The following MAP6 variants were observed in gnomAD, a reference collection of about 807,000 sequenced individuals.
MAP6 encodes the protein microtubule-associated protein 6.
Under a neutral mutation model 42.4 loss-of-function variants are expected in MAP6, and 26 were observed. The observed-to-expected ratio is 0.61, with a 90% CI of 0.45 to 0.85. The LOEUF (loss-of-function observed/expected upper bound fraction) is 0.85. Among genes scored for constraint, MAP6 ranks in the 40% least tolerant of loss-of-function variants. MAP6 has a pLI of 0.00. For synonymous variants in MAP6, 418 were observed against 443.8 expected, an observed-to-expected ratio of 0.94 and a Z score of 0.73; for missense variants, 966 against 1,099.0, an observed-to-expected ratio of 0.88 and a Z score of 1.71.
chr11:75,663,118 C>T (rs901019759), intron 1 of MAP6, among the ~76,000 whole-genome samples: 3 of 152,032 alleles, frequency 2.0e-5, no homozygotes, highest in Admixed American at 6.5e-5. Flanking sequence ...CACCCCACCA[C>T]GCCCGGCTAA....
At chr11:75,625,890 C>T (rs954389841) in intron 1 of MAP6, among the ~76,000 whole-genome samples, 1 of 152,232 alleles carries the variant, frequency 6.6e-6, no homozygotes, top group African/African-American at 2.4e-5. Context: ...GACTCCCCAG[C>T]CAGACCACGG....
intron 1 of MAP6, chr11:75,642,554 C>G (rs942688059): frequency 3.1e-5 from 5 of 160,908 alleles, no homozygotes; most frequent in African/African-American, 1.2e-4. Flanking sequence ...AAAATATCAG[C>G]CAACATACAC....
At chr11:75,600,790 A>G (rs1432856013) in intron 3 of MAP6, among the ~76,000 whole-genome samples, 1 of 152,208 alleles carries the variant, frequency 6.6e-6, no homozygotes, top group Non-Finnish European at 1.5e-5. Flanking sequence ...CCTTTGTGAA[A>G]TGGGACTTGA....
intron 1 of MAP6, among the ~76,000 whole-genome samples, chr11:75,615,617 T>C (rs1339658535): frequency 2.0e-5 from 3 of 152,158 alleles, no homozygotes; most frequent in Non-Finnish European, 4.4e-5. Context: ...TAGCTATTGT[T>C]ATACTTCTGA....
chr11:75,606,916 T>C (rs1942788607), intron 2 of MAP6, among the ~76,000 whole-genome samples: 1 of 152,214 alleles, frequency 6.6e-6, no homozygotes, highest in Non-Finnish European at 1.5e-5. Context: ...ACCCCCCTCA[T>C]CTATCTCTAG....
chr11:75,659,514 G>A (rs1023588364), intron 1 of MAP6, among the ~76,000 whole-genome samples: 2 of 152,208 alleles, frequency 1.3e-5, no homozygotes, highest in Non-Finnish European at 1.5e-5. Flanking sequence ...CATGGTTCCT[G>A]AAGAGTGACT....
At chr11:75,592,179 C>G (rs557903059) in intron 3 of MAP6, among the ~76,000 whole-genome samples, 10 of 152,312 alleles carry the variant, frequency 6.6e-5, no homozygotes, top group African/African-American at 2.4e-4. Flanking sequence ...CACCTCCTCC[C>G]TGGTCTTCCT....
At position 75,587,847 on chromosome 11, in the gene MAP6, C is replaced by A. The variant is rs778825613; in HGVS notation, c.1654G>T (p.Gly552Cys). 1 of 1,614,186 alleles carries A rather than the reference C, an allele frequency of 6.2e-7. No individual in the cohort carries two copies. The highest frequency in any genetic ancestry group is 1.1e-5 in the South Asian group (1 of 91,082). ...PMVPAKVKDQ[G>C]SVVPESLKDQ... ...TTTAGAGACTCTGGTACCACAGAGCCTTGATCCTTAACTTTTGCTGGAACC... is the reference window on the plus strand; with the variant it reads ...TTTAGAGACTCTGGTACCACAGAGCATTGATCCTTAACTTTTGCTGGAACC... The change falls in exon 4 of 4, where the codon GGC becomes TGC. Residue 552 changes from glycine (G) to cysteine (C), a missense_variant. This residue lies in a region of MAP6 where 943 missense variants were observed against 1,049.9 expected (regional missense o/e 0.90). Coordinates refer to ENST00000304771, the MANE Select transcript of MAP6 (RefSeq NM_033063.2).
At chr11:75,657,434 C>T (rs2135689797) in intron 1 of MAP6, among the ~76,000 whole-genome samples, 1 of 152,232 alleles carries the variant, frequency 6.6e-6, no homozygotes, top group East Asian at 1.9e-4. Flanking sequence ...TTGATTGCCA[C>T]AACTCAGGGT....
At chr11:75,607,362 A>T in intron 2 of MAP6, 1 of 985,454 alleles carries the variant, frequency 1.0e-6, no homozygotes, top group Non-Finnish European at 1.2e-6. Flanking sequence ...ATATTTGTAC[A>T]ATTCCATGGG....
chr11:75,659,158 G>A (rs889739132), intron 1 of MAP6, among the ~76,000 whole-genome samples: 3 of 152,186 alleles, frequency 2.0e-5, no homozygotes, highest in Non-Finnish European at 2.9e-5. Context: ...AAAGACAAGC[G>A]TAGACAAAGT....
intron 3 of MAP6, chr11:75,597,309 TG>T (rs1942597594): frequency 6.6e-6 from 1 of 152,212 alleles, no homozygotes; most frequent in Admixed American, 6.5e-5. Flanking sequence ...TGCACTTAGG[TG>T]GGTAAGTGGC....
intron 1 of MAP6, among the ~76,000 whole-genome samples, chr11:75,618,643 C>A (rs1182722761): frequency 6.6e-6 from 1 of 152,078 alleles, no homozygotes; most frequent in Non-Finnish European, 1.5e-5. Context: ...CAGGGGGAGT[C>A]CCTCTCACCT....
At chr11:75,652,087 G>T (rs1490009376) in intron 1 of MAP6, among the ~76,000 whole-genome samples, 1 of 152,118 alleles carries the variant, frequency 6.6e-6, no homozygotes, top group African/African-American at 2.4e-5. Context: ...TATTATAAAA[G>T]ATTCTATTCA....
chr11:75,626,431 G>A (rs754571417), intron 1 of MAP6, among the ~76,000 whole-genome samples: 68 of 152,202 alleles, frequency 4.5e-4, no homozygotes, highest in Middle Eastern at 3.2e-3. Context: ...TAAGAGCAGA[G>A]GAGTGACGTG....
At chr11:75,594,305 T>A (rs1942534045) in intron 3 of MAP6, 1 of 152,226 alleles carries the variant, frequency 6.6e-6, no homozygotes, top group South Asian at 2.1e-4. Flanking sequence ...ATTCCAGGGC[T>A]CTGTTCCCTT....
At chr11:75,617,805 T>C (rs1477544144) in intron 1 of MAP6, among the ~76,000 whole-genome samples, 1 of 152,128 alleles carries the variant, frequency 6.6e-6, no homozygotes, top group East Asian at 1.9e-4. Context: ...CTGTCAGGGT[T>C]TACCAGTCCT....
chr11:75,667,949 T>C lies in MAP6; in HGVS notation c.421A>G (p.Ser141Gly). ...QRPEPSCRPRSEYQPSDAPFE... is the reference protein window; with the variant it reads ...QRPEPSCRPRGEYQPSDAPFE... ...GGAGCGTCGGAGGGCTGGTATTCGC[T>C]GCGCGGCCGGCAGCTGGGCTCGGGC... is the stretch of plus-strand genomic sequence containing the variant. Residue 141 changes from serine to glycine, a missense_variant, in exon 1 of 4, where the codon AGC becomes GGC. Ser to Gly is a moderately conservative substitution (Grantham distance 56, BLOSUM62 0). Transcript: ENST00000304771. This position sits in a 1 kb window ranked among gnomAD's most constrained non-coding sequence, Gnocchi z 5.6. 1 of 1,342,778 alleles carries C rather than the reference T, an allele frequency of 7.4e-7. No homozygotes were observed. Among genetic ancestry groups the C allele is most frequent in the South Asian group, 1.8e-5 (1 of 54,640 alleles). 83.2% of individuals were successfully genotyped at this position (1,342,778 alleles called of 1,614,324 possible).
chr11:75,661,181 A>T (rs1277464314), intron 1 of MAP6, among the ~76,000 whole-genome samples: 1 of 152,130 alleles, frequency 6.6e-6, no homozygotes. Flanking sequence ...TGAATAAGTG[A>T]ATCAGTATTA....
Sources: allele counts gnomAD v4.1 joint callset (sites outside exome capture counted in the v4.1 genomes callset), GRCh38; gene constraint gnomAD v4.1.1; regional missense constraint gnomAD v4.1.1; non-coding constraint Gnocchi (gnomAD v3.1); transcripts MANE v1.5; gene names NCBI Gene and HGNC (gene_info 2026-07-23, HGNC 2026-07-21).